Variants in MERTK observed in about 807,000 individuals in gnomAD.
MERTK encodes tyrosine-protein kinase Mer.
MERTK carries 69 observed loss-of-function variants against 99.3 expected under a neutral mutation model. The observed-to-expected ratio is 0.70, with a 90% CI of 0.57 to 0.85. MERTK has a LOEUF of 0.85. MERTK is among the 40% of genes least tolerant of loss of function. The pLI is 0.00. For synonymous variants in MERTK, 426 were observed against 467.6 expected, an observed-to-expected ratio of 0.91 and a Z score of 1.15; for missense variants, 1,125 against 1,249.4, an observed-to-expected ratio of 0.90 and a Z score of 1.50.
intron 7 of MERTK, among the ~76,000 whole-genome samples, chr2:111,980,360 A>T (rs1051474716): frequency 6.6e-6 from 1 of 151,032 alleles, no homozygotes; most frequent in African/African-American, 2.4e-5. Flanking sequence ...TTGAGGGCAT[A>T]CTTGCCAGGT....
intron 4 of MERTK, among the ~76,000 whole-genome samples, chr2:111,960,681 TC>T (rs1370328394): frequency 6.6e-6 from 1 of 151,858 alleles, no homozygotes; most frequent in Non-Finnish European, 1.5e-5. Flanking sequence ...GCCAATAAGT[TC>T]CCATGGTTTA....
At position 111,939,233 on chromosome 2, in the gene MERTK, T is replaced by C. The variant is rs191938723; in HGVS notation, c.483-5727T>C. On this transcript the variant is annotated intron_variant, in intron 2 of 18. Transcript: ENST00000295408. ...GCAGGGCATCACACGGCGAGGGGGC[T>C]GAGCGTGCTCATGTGCTAGCTTAGG... Among the ~76,000 whole-genome samples, 143 of 152,238 alleles carry C rather than the reference T, an allele frequency of 9.4e-4. 1 individual carries two copies. Among genetic ancestry groups the C allele is most frequent in the African/African-American group, 3.1e-3 (130 of 41,544 alleles).
intron 1 of MERTK, among the ~76,000 whole-genome samples, chr2:111,900,885 A>G (rs1047403974): frequency 2.0e-5 from 3 of 152,356 alleles, no homozygotes; most frequent in Admixed American, 2.0e-4. Flanking sequence ...CCTATTACAC[A>G]TTGTGGGTCT....
At chr2:111,968,101 G>GTGTGTT (rs1553452626) in intron 5 of MERTK, 36 bp from the exon 6 acceptor site, 1 of 689,574 alleles carries the variant, frequency 1.5e-6, no homozygotes, top group Non-Finnish European at 2.1e-6. Context: ...TTGTGTTTGT[G>GTGTGTT]TGTGTATGTG....
chr2:111,910,540 G>T (rs1465301245), intron 1 of MERTK, among the ~76,000 whole-genome samples: 1 of 151,472 alleles, frequency 6.6e-6, no homozygotes, highest in Non-Finnish European at 1.5e-5. Flanking sequence ...AAAGTTCTGG[G>T]ATTACAGGCA....
At chr2:112,020,276 A>G (rs13025651) in intron 16 of MERTK, among the ~76,000 whole-genome samples, 33,635 of 152,052 alleles carry the variant, frequency 0.22, 4,148 homozygotes, top group Middle Eastern at 0.39. Context: ...TTATTTAAAT[A>G]ATTTTTCGAC....
chr2:111,954,500 A>T (rs1272745131), intron 4 of MERTK, among the ~76,000 whole-genome samples: 1 of 152,242 alleles, frequency 6.6e-6, no homozygotes, highest in East Asian at 1.9e-4. Flanking sequence ...CCCATCACCC[A>T]GCACAGTGCC....
chr2:111,935,640 T>TGC (rs1482168677), intron 2 of MERTK, among the ~76,000 whole-genome samples: 1 of 9,592 alleles, frequency 1.0e-4, no homozygotes, highest in Non-Finnish European at 2.2e-4. Context: ...TCTTGGCTCG[T>TGC]GTGTGTGTGT....
chr2:111,944,532 T>TCCTTAAAATAATTCCTCTGTTTTAAGG, intron 2 of MERTK, among the ~76,000 whole-genome samples: 6 of 152,294 alleles, frequency 3.9e-5, no homozygotes, highest in South Asian at 2.1e-4. Context: ...TTTAAGGAAT[T>TCCTTAAAATAATTCCTCTGTTTTAAGG]AGCTCACACA....
Position 111,991,886 on chromosome 2 carries a change from T to G in MERTK, c.1297-2365T>G, listed in dbSNP as rs146110793. On this transcript the variant is annotated intron_variant, in intron 8 of 18. Transcript: ENST00000295408. ...TTGTTGAAGTATTGGCCTTTTGTCC[T>G]TGGTTTCTGAAGTAGCTTCAGAGCT... Among the ~76,000 whole-genome samples, 78 of 152,308 alleles carry G rather than the reference T, an allele frequency of 5.1e-4. 1 individual carries two copies. Among genetic ancestry groups the G allele is most frequent in the Middle Eastern group, 3.4e-3 (1 of 294 alleles).
chr2:111,946,255 A>AG (rs1684959808), intron 3 of MERTK, among the ~76,000 whole-genome samples: 1 of 152,296 alleles, frequency 6.6e-6, no homozygotes, highest in East Asian at 1.9e-4. Context: ...TGGGAAAAAA[A>AG]TATTTACAGG....
chr2:112,019,100 C>G (rs1237268440), intron 15 of MERTK, among the ~76,000 whole-genome samples: 1 of 152,060 alleles, frequency 6.6e-6, no homozygotes, highest in African/African-American at 2.4e-5. Flanking sequence ...TGTGCTCTGT[C>G]CCACTCTGAA....
At chr2:111,972,866 A>G (rs1289103857) in intron 6 of MERTK, among the ~76,000 whole-genome samples, 1 of 152,190 alleles carries the variant, frequency 6.6e-6, no homozygotes, top group Non-Finnish European at 1.5e-5. Flanking sequence ...TCTAAAAGTT[A>G]TCTTTTCTAT....
chr2:111,911,791 T>G (rs1684254524), intron 1 of MERTK, among the ~76,000 whole-genome samples: 1 of 144,752 alleles, frequency 6.9e-6, no homozygotes, highest in African/African-American at 2.6e-5. Context: ...TGGGCTCAAG[T>G]GATCCTCCCA....
In MERTK at chr2:111,947,376, G is replaced by A. The variant is rs1684978789; in HGVS notation, c.584-18G>A. 1 of 1,591,900 alleles carries A rather than the reference G, an allele frequency of 6.3e-7. No homozygotes were observed. The highest frequency in any genetic ancestry group is 1.4e-5 in the African/African-American group (1 of 73,410). ...TTTCAGATCTGAAACATTCTTTTGT[G>A]TAACGTTTTCTCCGCAGGACTTCCT... On this transcript the variant is annotated intron_variant, in intron 3 of 18. Coordinates refer to ENST00000295408, the MANE Select transcript of MERTK (RefSeq NM_006343.3).
In MERTK at chr2:111,965,247, G is replaced by C. The variant is rs140065278; in HGVS notation, c.814G>C (p.Val272Leu). 3 of 1,614,184 alleles carry C rather than the reference G, an allele frequency of 1.9e-6. No individual in the cohort carries two copies. The South Asian group carries it at 3.3e-5, about 18-fold the overall frequency. Residue 272 changes from valine (V) to leucine (L), a missense_variant, in exon 5 of 19, where the codon GTG becomes CTG. By Grantham distance (32) the Val-to-Leu change is conservative. Coordinates refer to ENST00000295408, the MANE Select transcript of MERTK (RefSeq NM_006343.3). The stretch of plus-strand genomic sequence containing the variant: ...GGCCCACAATGACAAAGGGCTGACC[G>C]TGTCCAAGGGAGTGCAGATCAACAT... ...CEAHNDKGLT[V>L]SKGVQINIKA...
chr2:111,944,508 A>C, intron 2 of MERTK, among the ~76,000 whole-genome samples: 1 of 152,422 alleles, frequency 6.6e-6, no homozygotes, highest in African/African-American at 2.4e-5. Flanking sequence ...AATTCCTTAA[A>C]ATAATTCCTC....
chr2:111,898,881 A>C lies in MERTK; in HGVS notation c.61+85A>C. 3 of 1,375,524 alleles carry C rather than the reference A, an allele frequency of 2.2e-6. No homozygotes were observed. In the East Asian group the frequency reaches 7.7e-5, roughly 35 times the overall value. 85.2% of individuals were successfully genotyped at this position (1,375,524 alleles called of 1,614,324 possible). A position where few individuals can be genotyped will look rare whatever the true frequency, so the allele number is the denominator to read the frequency against. On this transcript the variant is annotated intron_variant, in intron 1 of 18. Coordinates refer to ENST00000295408, the MANE Select transcript of MERTK (RefSeq NM_006343.3). ...GCCTCTGGGGAGGGAGCGCGTCCACAGGGGCGCGCCTGGCTGCTGGACAAG... is the reference window on the plus strand; with the variant it reads ...GCCTCTGGGGAGGGAGCGCGTCCACCGGGGCGCGCCTGGCTGCTGGACAAG...
At chr2:112,008,560 T>C (rs1197663337) in intron 14 of MERTK, 85 bp downstream of exon 14, 1 of 994,300 alleles carries the variant, frequency 1.0e-6, no homozygotes, top group East Asian at 2.4e-5. Flanking sequence ...CTGGTGTAGA[T>C]AAGTTTACAC....
Sources: gnomAD v4.1 joint callset for allele counts (sites outside exome capture counted in the v4.1 genomes callset) on GRCh38, gnomAD v4.1.1 for gene constraint, MANE v1.5 for transcripts, NCBI Gene and HGNC (gene_info 2026-07-23, HGNC 2026-07-21) for gene names.